Variants in RPA3 observed in about 807,000 individuals in gnomAD.
RPA3 encodes replication protein A3.
RPA3 carries 24 observed loss-of-function variants against 13.7 expected under a neutral mutation model. The ratio of observed to expected loss-of-function variants is 1.75; its 90% CI spans 1.27 to 2.46. The LOEUF (loss-of-function observed/expected upper bound fraction) is 2.46, where lower values mean the gene tolerates loss of function less well. RPA3 is among the 30% of genes most tolerant of loss of function. The pLI, the probability that RPA3 is intolerant of heterozygous loss-of-function variation, is 0.00. For synonymous variants in RPA3, 59 were observed against 51.2 expected, an observed-to-expected ratio of 1.15 and a Z score of -0.65; for missense variants, 183 against 151.0, an observed-to-expected ratio of 1.21 and a Z score of -1.11.
intron 3 of RPA3, among the ~76,000 whole-genome samples, chr7:7,686,426 T>G (rs1780042802): frequency 6.6e-6 from 1 of 152,204 alleles, no homozygotes; most frequent in Non-Finnish European, 1.5e-5. Context: ...TTTGTATTTT[T>G]TATCAGAAAT....
chr7:7,699,894 G>T (rs566755977), intron 2 of RPA3, among the ~76,000 whole-genome samples: 1 of 152,166 alleles, frequency 6.6e-6, no homozygotes, highest in Non-Finnish European at 1.5e-5. Context: ...GTGGAAATAC[G>T]TGTTTTGTTT....
intron 2 of RPA3, among the ~76,000 whole-genome samples, chr7:7,688,554 A>T (rs1173897205): frequency 6.6e-6 from 1 of 152,104 alleles, no homozygotes; most frequent in Non-Finnish European, 1.5e-5. Context: ...CAGTGTCAAG[A>T]TCTCAGATGA....
intron 4 of RPA3, among the ~76,000 whole-genome samples, chr7:7,656,293 C>G (rs1222052227): frequency 1.3e-5 from 2 of 151,992 alleles, no homozygotes; most frequent in African/African-American, 4.8e-5. Context: ...TAGTAAAGAA[C>G]TTGTTCATGT....
intron 4 of RPA3, among the ~76,000 whole-genome samples, chr7:7,671,596 G>A (rs1311107069): frequency 6.6e-6 from 1 of 152,062 alleles, no homozygotes; most frequent in African/African-American, 2.4e-5. Flanking sequence ...GAAATCTATT[G>A]TCTTACATTT....
chr7:7,686,963 C>G (rs1780055345), intron 3 of RPA3, among the ~76,000 whole-genome samples: 3 of 152,282 alleles, frequency 2.0e-5, no homozygotes, highest in Non-Finnish European at 4.4e-5. Context: ...CATCTAAGAC[C>G]ATGAGAACTA....
At chr7:7,658,866 T>G (rs530584771) in intron 4 of RPA3, among the ~76,000 whole-genome samples, 38 of 152,306 alleles carry the variant, frequency 2.5e-4, no homozygotes, top group South Asian at 1.9e-3. Context: ...TTTGGAATAG[T>G]TTCAGAAGGA....
At chr7:7,682,670 G>C (rs1005207708) in intron 4 of RPA3, among the ~76,000 whole-genome samples, 1 of 152,116 alleles carries the variant, frequency 6.6e-6, no homozygotes, top group East Asian at 1.9e-4. Flanking sequence ...ATGTATACCA[G>C]ATCTTTAAAA....
intron 2 of RPA3, among the ~76,000 whole-genome samples, chr7:7,706,843 A>G (rs567293949): frequency 1.3e-5 from 2 of 152,174 alleles, no homozygotes; most frequent in African/African-American, 2.4e-5. Flanking sequence ...TTTTTTGGAT[A>G]GAGCATCTTG....
chr7:7,662,683 C>G (rs1328639428), intron 4 of RPA3, among the ~76,000 whole-genome samples: 1 of 152,262 alleles, frequency 6.6e-6, no homozygotes, highest in African/African-American at 2.4e-5. Context: ...AGCCGGGTAC[C>G]TCAGTTGGAA....
intron 1 of RPA3, among the ~76,000 whole-genome samples, chr7:7,717,142 C>T (rs1040496362): frequency 1.3e-5 from 2 of 151,070 alleles, no homozygotes; most frequent in Non-Finnish European, 2.9e-5. Context: ...CTGCAACCTC[C>T]GTCTCCCGGG....
intron 4 of RPA3, among the ~76,000 whole-genome samples, chr7:7,659,267 A>G (rs1174882897): frequency 1.3e-5 from 2 of 151,964 alleles, no homozygotes; most frequent in African/African-American, 2.4e-5. Context: ...TCCTGGATTC[A>G]TTGATTTTTC....
chr7:7,707,170 A>G (rs1342320978), intron 2 of RPA3, among the ~76,000 whole-genome samples: 1 of 152,180 alleles, frequency 6.6e-6, no homozygotes, highest in Non-Finnish European at 1.5e-5. Flanking sequence ...TAAACAGGCA[A>G]AATCAGTTTT....
chr7:7,649,686 G>A (rs1443624822), intron 4 of RPA3, among the ~76,000 whole-genome samples: 1 of 151,170 alleles, frequency 6.6e-6, no homozygotes, highest in African/African-American at 2.4e-5. Context: ...ATTCTTGTTG[G>A]TGGGGGGGCC....
At chr7:7,644,837 A>G (rs191547778) in intron 4 of RPA3, among the ~76,000 whole-genome samples, 3 of 152,306 alleles carry the variant, frequency 2.0e-5, no homozygotes, top group African/African-American at 7.2e-5. Context: ...AATGTAGCTT[A>G]TGAATTTCCA....
At chr7:7,645,899 A>T (rs934137687) in intron 4 of RPA3, among the ~76,000 whole-genome samples, 14 of 151,354 alleles carry the variant, frequency 9.2e-5, no homozygotes, top group African/African-American at 3.4e-4. Flanking sequence ...AAAATTTGGC[A>T]TTATGGTTAT....
chr7:7,697,182 T>C (rs1780341389), intron 2 of RPA3, among the ~76,000 whole-genome samples: 1 of 152,218 alleles, frequency 6.6e-6, no homozygotes, highest in Non-Finnish European at 1.5e-5. Flanking sequence ...CACTTCTTGA[T>C]GGAATGTGTA....
At chr7:7,659,665 A>G (rs550997389) in intron 4 of RPA3, among the ~76,000 whole-genome samples, 4 of 152,304 alleles carry the variant, frequency 2.6e-5, no homozygotes, top group African/African-American at 9.6e-5. Flanking sequence ...CTGTGGTCTG[A>G]GAGACTGTTA....
rs559857582 is a variant in RPA3 at position 7,703,769 on chromosome 7, G to A, written c.-1028+11406C>T. ...AGCCTGGGCAACGTGGCGAAACCCC[G>A]TTTCTACAAATAATGCAAAATTAGC... is the stretch of plus-strand genomic sequence containing the variant. On this transcript the variant is annotated intron_variant, in intron 2 of 7. Transcript: ENST00000223129. 1.4e-4 allele frequency among the ~76,000 whole-genome samples: 22 copies of A among 152,126 alleles called. 1 individual carries two copies. Among genetic ancestry groups the A allele is most frequent in the African/African-American group, 2.6e-4 (11 of 41,510 alleles).
At position 7,640,720 on chromosome 7, in the gene RPA3, T is replaced by C. The variant is rs970102099; in HGVS notation, c.-302A>G. 1.8e-5 allele frequency: 6 copies of C among 328,084 alleles called. No homozygotes were observed. The highest frequency in any genetic ancestry group is 8.7e-5 in the African/African-American group (4 of 46,034). The allele number at this position is 328,084 out of a possible 1,614,324, so 20.3% of individuals were successfully genotyped here. A position where few individuals can be genotyped will look rare whatever the true frequency, so the allele number is the denominator to read the frequency against. On this transcript the variant is annotated 5_prime_UTR_variant, in exon 5 of 8. Coordinates refer to ENST00000223129, the MANE Select transcript of RPA3 (RefSeq NM_002947.5). ...CTTGGATAGGGGCGGAACCTGAGAC[T>C]ACCTTTCTGCGATCACAGGATTCCC... is the stretch of plus-strand genomic sequence containing the variant.
Sources: allele counts gnomAD v4.1 joint callset (sites outside exome capture counted in the v4.1 genomes callset), GRCh38; gene constraint gnomAD v4.1.1; transcripts MANE v1.5; gene names NCBI Gene and HGNC (gene_info 2026-07-23, HGNC 2026-07-21).